The following PCDHGA11 variants were observed in gnomAD, a reference collection of about 807,000 sequenced individuals.
PCDHGA11 encodes the protein protocadherin gamma-A11.
PCDHGA11 carries 39 observed loss-of-function variants against 60.4 expected under a neutral mutation model. That is an observed-to-expected ratio of 0.65 (90% CI 0.50 to 0.84). The LOEUF (loss-of-function observed/expected upper bound fraction) is 0.84. PCDHGA11 is among the 40% of genes least tolerant of loss of function. PCDHGA11 has a pLI of 0.00. For missense variants in PCDHGA11, 1,165 were observed against 1,197.7 expected (o/e 0.97, Z 0.40); for synonymous variants, 533 against 510.3 (o/e 1.04, Z -0.60).
In PCDHGA11 at chr5:141,485,804, G is replaced by C; in HGVS notation, c.2434-9003G>C. 6.2e-7 allele frequency: 1 copy of C among 1,614,218 alleles called. No homozygotes were observed. The highest frequency in any genetic ancestry group is 1.3e-5 in the African/African-American group (1 of 75,060). The stretch of plus-strand genomic sequence containing the variant: ...AGAGAAGCAATCGGACTACCGCCTG[G>C]TGCTGACTGCTGTCGATGGAGGGAA... On this transcript the variant is annotated intron_variant, in intron 1 of 3. Coordinates refer to ENST00000398587, the MANE Select transcript of PCDHGA11 (RefSeq NM_018914.3). This position sits in a 1 kb window ranked among gnomAD's most constrained non-coding sequence, Gnocchi z 5.7.
At position 141,432,579 on chromosome 5, in the gene PCDHGA11, G is replaced by T; in HGVS notation, c.2433+8919G>T. On this transcript the variant is annotated intron_variant, in intron 1 of 3. Coordinates refer to ENST00000398587, the MANE Select transcript of PCDHGA11 (RefSeq NM_018914.3). This position sits in a 1 kb window ranked among gnomAD's most constrained non-coding sequence, Gnocchi z 6.0. ...GGCCAGAACGCCTGGCTGTCCTACC[G>T]TCTGCTCAAGGCCAGCGAGCCGGGA... is the stretch of plus-strand genomic sequence containing the variant. 1 of 1,613,860 alleles carries T rather than the reference G, an allele frequency of 6.2e-7. No homozygotes were observed. Among genetic ancestry groups the T allele is most frequent in the Non-Finnish European group, 8.5e-7 (1 of 1,179,984 alleles).
rs773805631 is a variant in PCDHGA11 at position 141,422,150 on chromosome 5, T to A, written c.923T>A (p.Leu308Gln). 6.3e-7 allele frequency: 1 copy of A among 1,577,174 alleles called. No homozygotes were observed. The highest frequency in any genetic ancestry group is 8.6e-7 in the Non-Finnish European group (1 of 1,167,242). ...QTGEVQVRGSLDFEKYRFYEM... is the reference protein window; with the variant it reads ...QTGEVQVRGSQDFEKYRFYEM... ...GGAGAAGTTCAAGTACGGGGGTCTC[T>A]GGATTTTGAAAAATATAGATTCTAT... The change falls in exon 1 of 4, where the codon CTG (leucine) becomes CAG (glutamine). Residue 308 changes from leucine (L) to glutamine (Q), a missense_variant. By Grantham distance (113) the Leu-to-Gln change is moderately radical. Coordinates refer to ENST00000398587, the MANE Select transcript of PCDHGA11 (RefSeq NM_018914.3).
chr5:141,432,336 G>A lies in PCDHGA11; in HGVS notation c.2433+8676G>A. On this transcript the variant is annotated intron_variant, in intron 1 of 3. Coordinates refer to ENST00000398587, the MANE Select transcript of PCDHGA11 (RefSeq NM_018914.3). The surrounding 1 kb of genome is among the most constrained non-coding windows in gnomAD (Gnocchi z 6.0). ...AGCTCCTTCGACTACGAGCAGTTCC[G>A]AGACTTGCAAGTGAAAGTGATGGCG... 1.2e-6 allele frequency: 2 copies of A among 1,614,250 alleles called. No homozygotes were observed. The highest frequency in any genetic ancestry group is 1.7e-6 in the Non-Finnish European group (2 of 1,180,040).
In PCDHGA11 at chr5:141,423,572, G is replaced by T. The variant is rs1239529114; in HGVS notation, c.2345G>T (p.Ser782Ile). 1.2e-6 allele frequency: 2 copies of T among 1,613,510 alleles called. No homozygotes were observed. The highest frequency in any genetic ancestry group is 1.3e-5 in the African/African-American group (1 of 75,038). The part of the protein sequence containing the change: ...PQPNYGDTLI[S>I]QESCEKSEPL... ...CCCAACTATGGGGACACGCTCATCA[G>T]CCAGGAGAGCTGTGAGAAAAGCGAG... is the stretch of plus-strand genomic sequence containing the variant. The change falls in exon 1 of 4, where the codon AGC becomes ATC. Residue 782 changes from serine (S) to isoleucine (I), a missense_variant. By Grantham distance (142) the Ser-to-Ile change is moderately radical. Transcript: ENST00000398587.
chr5:141,497,832 G>C (rs1326640712), intron 2 of PCDHGA11, among the ~76,000 whole-genome samples: 1 of 151,992 alleles, frequency 6.6e-6, no homozygotes, highest in East Asian at 1.9e-4. Context: ...GATCGCCCCC[G>C]GCCACAACAA....
At chr5:141,478,924 T>C (rs1213046748) in intron 1 of PCDHGA11, 10 of 704,004 alleles carry the variant, frequency 1.4e-5, no homozygotes. Context: ...CTCTAACCAG[T>C]GGCAGCTTCT....
chr5:141,505,243 G>A (rs2099844728), intron 2 of PCDHGA11, 150 bp from the exon 3 acceptor site: 1 of 1,424,622 alleles, frequency 7.0e-7, no homozygotes, highest in Non-Finnish European at 9.4e-7. Flanking sequence ...CTGAAGGATT[G>A]TAGAAGTGCC....
chr5:141,481,026 C>T (rs1315533254), intron 1 of PCDHGA11, among the ~76,000 whole-genome samples: 1 of 152,100 alleles, frequency 6.6e-6, no homozygotes, highest in African/African-American at 2.4e-5. Flanking sequence ...CCACTGCACT[C>T]CAGCCTGGGC....
rs61612330 is a variant in PCDHGA11, at chr5:141,454,796, A to ATTTTTTTTTTTTTTTTT, written c.2433+31149_2433+31165dup. Among the ~76,000 whole-genome samples the ATTTTTTTTTTTTTTTTT allele has an allele frequency of 1.9e-3, 147 of 77,454 alleles. 11 individuals carry two copies. Among genetic ancestry groups the ATTTTTTTTTTTTTTTTT allele is most frequent in the Middle Eastern group, 0.017 (2 of 120 alleles). 50.8% of individuals were successfully genotyped at this position (77,454 alleles called of 152,430 possible). ...AAGGAAATAATCCTCCATGGTTCTA[A>ATTTTTTTTTTTTTTTTT]TTTTTTTTTTTTTTTTTTTTTTTTT... On this transcript the variant is annotated intron_variant, in intron 1 of 3. Coordinates refer to ENST00000398587, the MANE Select transcript of PCDHGA11 (RefSeq NM_018914.3).
intron 1 of PCDHGA11, chr5:141,423,975 A>T: frequency 8.9e-7 from 1 of 1,126,024 alleles, no homozygotes; most frequent in Non-Finnish European, 1.1e-6. Flanking sequence ...TTATCAGTGT[A>T]TGAGGCTCTC....
At chr5:141,434,843 G>C (rs1302739038) in intron 1 of PCDHGA11, among the ~76,000 whole-genome samples, 2 of 151,746 alleles carry the variant, frequency 1.3e-5, no homozygotes, top group African/African-American at 4.8e-5. Flanking sequence ...TTATAAAGCA[G>C]ACATCAATAA....
In PCDHGA11 at chr5:141,432,012, A is replaced by G. The variant is rs756906117; in HGVS notation, c.2433+8352A>G. ...TTGGATAGGGAACAGGTTCCTAGCT[A>G]CAACATCACAGTGACCGCCACTGAC... On this transcript the variant is annotated intron_variant, in intron 1 of 3. Transcript: ENST00000398587. The surrounding 1 kb of genome is among the most constrained non-coding windows in gnomAD (Gnocchi z 6.0). The G allele has an allele frequency of 1.1e-5, 18 of 1,614,056 alleles. No homozygotes were observed. The highest frequency in any genetic ancestry group is 1.3e-5 in the Non-Finnish European group (15 of 1,180,008).
intron 1 of PCDHGA11, among the ~76,000 whole-genome samples, chr5:141,461,100 T>C (rs926482549): frequency 1.1e-4 from 16 of 152,062 alleles, no homozygotes; most frequent in African/African-American, 3.6e-4. Context: ...TATAAACATA[T>C]GTGTCCAAGT....
At position 141,486,114 on chromosome 5, in the gene PCDHGA11, A is replaced by G; in HGVS notation, c.2434-8693A>G. On this transcript the variant is annotated intron_variant, in intron 1 of 3. Coordinates refer to ENST00000398587, the MANE Select transcript of PCDHGA11 (RefSeq NM_018914.3). This position sits in a 1 kb window ranked among gnomAD's most constrained non-coding sequence, Gnocchi z 5.0. ...GGGCCCCTAGACTTTGAGAGTGAGAATTACTATGAATTTGATGTGCGGGCT... is the reference window on the plus strand; with the variant it reads ...GGGCCCCTAGACTTTGAGAGTGAGAGTTACTATGAATTTGATGTGCGGGCT... 3 of 1,614,082 alleles carry G rather than the reference A, an allele frequency of 1.9e-6. No individual in the cohort carries two copies. Among genetic ancestry groups the G allele is most frequent in the South Asian group, 2.2e-5 (2 of 91,072 alleles).
intron 1 of PCDHGA11, among the ~76,000 whole-genome samples, chr5:141,430,159 A>G (rs1324343997): frequency 6.6e-6 from 1 of 152,176 alleles, no homozygotes; most frequent in Non-Finnish European, 1.5e-5. Context: ...CAAGGAATCT[A>G]TTTAAAAATA....
At chr5:141,430,950 T>C (rs756423770) in intron 1 of PCDHGA11, 5 of 1,609,980 alleles carry the variant, frequency 3.1e-6, no homozygotes, top group East Asian at 2.2e-5. Flanking sequence ...GAGCGCGGAG[T>C]CCGCATCATC....
chr5:141,486,282 C>T lies in PCDHGA11; in HGVS notation c.2434-8525C>T. ...AGTGCAGAACCTGGCACTGTGGTGGCACTTATCAGTGTGCAGGATCCAGAC... is the reference window on the plus strand; with the variant it reads ...AGTGCAGAACCTGGCACTGTGGTGGTACTTATCAGTGTGCAGGATCCAGAC... On this transcript the variant is annotated intron_variant, in intron 1 of 3. Transcript: ENST00000398587. This position sits in a 1 kb window ranked among gnomAD's most constrained non-coding sequence, Gnocchi z 5.0. 6.2e-7 allele frequency: 1 copy of T among 1,614,052 alleles called. No homozygotes were observed. Among genetic ancestry groups the T allele is most frequent in the Non-Finnish European group, 8.5e-7 (1 of 1,179,992 alleles).
In PCDHGA11 at chr5:141,485,145, A is replaced by G. The variant is rs766014792; in HGVS notation, c.2434-9662A>G. On this transcript the variant is annotated intron_variant, in intron 1 of 3. Coordinates refer to ENST00000398587, the MANE Select transcript of PCDHGA11 (RefSeq NM_018914.3). The surrounding 1 kb of genome is among the most constrained non-coding windows in gnomAD (Gnocchi z 5.7). Reference sequence around the variant, plus strand: ...GGGTCGGCTTCATCCGCGTCTCAGGAGCAAGTAGAGAATTAGCGGGCGGCA... The same window carrying G: ...GGGTCGGCTTCATCCGCGTCTCAGGGGCAAGTAGAGAATTAGCGGGCGGCA... The G allele has an allele frequency of 4.5e-6, 7 of 1,567,410 alleles. No individual in the cohort carries two copies. Among genetic ancestry groups the G allele is most frequent in the Non-Finnish European group, 6.1e-6 (7 of 1,142,014 alleles).
intron 1 of PCDHGA11, among the ~76,000 whole-genome samples, chr5:141,463,377 G>T (rs1161419035): frequency 2.7e-5 from 4 of 147,358 alleles, no homozygotes; most frequent in Non-Finnish European, 3.0e-5. Flanking sequence ...CCCACAGTCT[G>T]AAAGTTGTCT....
Sources: gnomAD v4.1 joint callset for allele counts (sites outside exome capture counted in the v4.1 genomes callset) on GRCh38, gnomAD v4.1.1 for gene constraint, Gnocchi (gnomAD v3.1) non-coding constraint, MANE v1.5 for transcripts, NCBI Gene and HGNC (gene_info 2026-07-23, HGNC 2026-07-21) for gene names.